The following NAALADL2 variants were observed in gnomAD, a reference collection of about 807,000 sequenced individuals.
The protein encoded by NAALADL2 is N-acetylated alpha-linked acidic dipeptidase like 2.
In NAALADL2, 76 loss-of-function variants were observed where a neutral mutation model predicts 87.2. That is an observed-to-expected ratio of 0.87 (90% CI 0.72 to 1.05). NAALADL2 has a LOEUF of 1.05. Ranked by LOEUF, NAALADL2 falls within the 50% of genes least tolerant of loss-of-function variation. NAALADL2 has a pLI of 0.00. For missense variants in NAALADL2, 1,089 were observed against 945.8 expected (o/e 1.15, Z -1.99); for synonymous variants, 354 against 331.0 (o/e 1.07, Z -0.75).
At chr3:174,880,797 C>T (rs1729096340) in intron 1 of NAALADL2, among the ~76,000 whole-genome samples, 1 of 152,060 alleles carries the variant, frequency 6.6e-6, no homozygotes, top group South Asian at 2.1e-4. Context: ...ACAATAGATG[C>T]TTATTTTCTC....
chr3:175,226,157 A>T (rs1744126235), intron 2 of NAALADL2, among the ~76,000 whole-genome samples: 1 of 152,048 alleles, frequency 6.6e-6, no homozygotes, highest in South Asian at 2.1e-4. Context: ...GCAGATATGT[A>T]CCATATTTTC....
At chr3:175,448,065 A>G (rs1293414697) in intron 6 of NAALADL2, among the ~76,000 whole-genome samples, 1 of 152,200 alleles carries the variant, frequency 6.6e-6, no homozygotes, top group Non-Finnish European at 1.5e-5. Flanking sequence ...TCTGGGTTCA[A>G]TAGTCATGTT....
chr3:175,698,503 A>ATATATATATATATATATATAT (rs1491393693), intron 11 of NAALADL2, among the ~76,000 whole-genome samples: 7 of 141,330 alleles, frequency 5.0e-5, no homozygotes, highest in Admixed American at 1.4e-4. Flanking sequence ...ATATATATAT[A>ATATATATATATATATATATAT]AAATCTCCAA....
At chr3:174,664,200 T>G (rs1725760892) in intron 2 of NAALADL2, among the ~76,000 whole-genome samples, 1 of 152,216 alleles carries the variant, frequency 6.6e-6, no homozygotes, top group Non-Finnish European at 1.5e-5. Context: ...GTAGTTGTAA[T>G]TAAATGAAAA....
At chr3:175,089,649 C>T (rs528423204) in intron 1 of NAALADL2, among the ~76,000 whole-genome samples, 1 of 152,076 alleles carries the variant, frequency 6.6e-6, no homozygotes, top group Non-Finnish European at 1.5e-5. Flanking sequence ...TCACTCTGTA[C>T]ATCAAAATCT....
chr3:175,055,610 C>T (rs190602226), intron 1 of NAALADL2, among the ~76,000 whole-genome samples: 121 of 152,314 alleles, frequency 7.9e-4, no homozygotes, highest in African/African-American at 2.6e-3. Flanking sequence ...TGGCGTTTCC[C>T]GAAATCGGGT....
At chr3:175,360,704 T>C (rs930053300) in intron 5 of NAALADL2, among the ~76,000 whole-genome samples, 14 of 152,100 alleles carry the variant, frequency 9.2e-5, no homozygotes, top group African/African-American at 3.4e-4. Flanking sequence ...AGATTCAATC[T>C]TTTTTCTATA....
At chr3:175,125,877 A>G (rs1580584141) in intron 2 of NAALADL2, among the ~76,000 whole-genome samples, 1 of 152,060 alleles carries the variant, frequency 6.6e-6, no homozygotes, top group African/African-American at 2.4e-5. Context: ...GAGAAGAGAG[A>G]TGAGACATAA....
chr3:175,627,777 A>G (rs184372241), intron 11 of NAALADL2, among the ~76,000 whole-genome samples: 7 of 151,804 alleles, frequency 4.6e-5, no homozygotes, highest in Admixed American at 1.3e-4. Flanking sequence ...TGCTGATAAC[A>G]TGGAAAGCAC....
intron 2 of NAALADL2, among the ~76,000 whole-genome samples, chr3:175,098,350 TAA>T (rs1294191387): frequency 6.6e-6 from 1 of 152,088 alleles, no homozygotes; most frequent in East Asian, 1.9e-4. Flanking sequence ...CCTGAATATT[TAA>T]AGTAGAGAAA....
At chr3:175,683,990 T>G in intron 11 of NAALADL2, among the ~76,000 whole-genome samples, 1 of 152,174 alleles carries the variant, frequency 6.6e-6, no homozygotes, top group Non-Finnish European at 1.5e-5. Flanking sequence ...TTTATTACTG[T>G]TTGTTGTAAC....
intron 1 of NAALADL2, among the ~76,000 whole-genome samples, chr3:174,871,944 A>G (rs962759380): frequency 4.6e-5 from 7 of 152,244 alleles, no homozygotes; most frequent in Non-Finnish European, 4.4e-5. Flanking sequence ...AAGAAAAATG[A>G]TAACATTATC....
At chr3:175,697,689 C>T (rs1738034380) in intron 11 of NAALADL2, among the ~76,000 whole-genome samples, 1 of 149,688 alleles carries the variant, frequency 6.7e-6, no homozygotes, top group East Asian at 2.0e-4. Context: ...GTTCAACTGA[C>T]TTATTATTAA....
intron 1 of NAALADL2, among the ~76,000 whole-genome samples, chr3:174,972,805 C>G (rs962285476): frequency 6.6e-6 from 1 of 151,766 alleles, no homozygotes; most frequent in Admixed American, 6.6e-5. Context: ...AGACCAGACT[C>G]AACATGGAGA....
At chr3:175,044,199 T>A (rs949778943) in intron 1 of NAALADL2, among the ~76,000 whole-genome samples, 1 of 152,160 alleles carries the variant, frequency 6.6e-6, no homozygotes, top group East Asian at 1.9e-4. Context: ...ACAGTGGAAT[T>A]TGTATGTTAA....
intron 9 of NAALADL2, among the ~76,000 whole-genome samples, chr3:175,475,832 C>A (rs774339751): frequency 1.4e-4 from 21 of 152,154 alleles, no homozygotes; most frequent in Non-Finnish European, 3.1e-4. Flanking sequence ...ATCCAACACC[C>A]TCAGCCTCCC....
intron 5 of NAALADL2, among the ~76,000 whole-genome samples, chr3:175,329,996 A>G (rs1761202338): frequency 6.6e-6 from 1 of 152,134 alleles, no homozygotes; most frequent in South Asian, 2.1e-4. Context: ...AAATCAGTGT[A>G]CCATATACTA....
intron 3 of NAALADL2, among the ~76,000 whole-genome samples, chr3:174,771,328 T>C (rs1692948407): frequency 6.6e-6 from 1 of 152,140 alleles, no homozygotes; most frequent in Admixed American, 6.5e-5. Context: ...GGCTTCAAGC[T>C]AGAGGTGATC....
intron 5 of NAALADL2, among the ~76,000 whole-genome samples, chr3:175,347,153 C>T (rs1763238918): frequency 6.6e-6 from 1 of 152,164 alleles, no homozygotes; most frequent in African/African-American, 2.4e-5. Flanking sequence ...TGACTCAGAG[C>T]TTGTTAAGCT....
Sources: gnomAD v4.1 joint callset for allele counts (sites outside exome capture counted in the v4.1 genomes callset) on GRCh38, gnomAD v4.1.1 for gene constraint, MANE v1.5 for transcripts, NCBI Gene and HGNC (gene_info 2026-07-23, HGNC 2026-07-21) for gene names.